Variants in SDK1 observed in about 807,000 individuals in gnomAD.
The protein encoded by SDK1 is protein sidekick-1.
SDK1 carries 157 observed loss-of-function variants against 245.5 expected under a neutral mutation model. The ratio of observed to expected loss-of-function variants is 0.64; its 90% CI spans 0.56 to 0.73. The LOEUF (loss-of-function observed/expected upper bound fraction) is 0.73. Among genes scored for constraint, SDK1 ranks in the 30% least tolerant of loss-of-function variants. SDK1 has a pLI of 0.00. For missense variants in SDK1, 3,583 were observed against 3,002.3 expected, an observed-to-expected ratio of 1.19 and a Z score of -4.52; for synonymous variants, 1,647 against 1,278.5, an observed-to-expected ratio of 1.29 and a Z score of -6.15.
chr7:3,979,085 G>A (rs1783195896), intron 13 of SDK1, among the ~76,000 whole-genome samples: 1 of 152,218 alleles, frequency 6.6e-6, no homozygotes, highest in African/African-American at 2.4e-5. Flanking sequence ...GGGGCCAATA[G>A]GAGCAAAGGG....
At chr7:3,860,654 G>A (rs2115117027) in intron 5 of SDK1, among the ~76,000 whole-genome samples, 1 of 152,234 alleles carries the variant, frequency 6.6e-6, no homozygotes, top group Non-Finnish European at 1.5e-5. Context: ...TAAATTATCA[G>A]GCCCAGAGAG....
chr7:4,008,345 C>G (rs1043148063), intron 14 of SDK1, among the ~76,000 whole-genome samples: 2 of 152,226 alleles, frequency 1.3e-5, no homozygotes, highest in Non-Finnish European at 2.9e-5. Flanking sequence ...AAAGTGAACA[C>G]ACGAACAAAA....
chr7:4,042,833 A>T (rs17134269), intron 17 of SDK1, among the ~76,000 whole-genome samples: 1 of 152,192 alleles, frequency 6.6e-6, no homozygotes, highest in Non-Finnish European at 1.5e-5. Flanking sequence ...GTCAAGAAGG[A>T]TTTGCCGGCT....
intron 1 of SDK1, among the ~76,000 whole-genome samples, chr7:3,434,997 T>C (rs1209775052): frequency 6.6e-6 from 1 of 152,222 alleles, no homozygotes; most frequent in Non-Finnish European, 1.5e-5. Context: ...TTTTCCTAAC[T>C]GTCAAATCTC....
chr7:4,210,634 C>G (rs1157652828), intron 38 of SDK1, among the ~76,000 whole-genome samples: 1 of 152,190 alleles, frequency 6.6e-6, no homozygotes, highest in African/African-American at 2.4e-5. Context: ...GTGCTCCCCT[C>G]GCTCATCCGT....
At chr7:3,788,932 T>A (rs1477776321) in intron 4 of SDK1, among the ~76,000 whole-genome samples, 1 of 152,166 alleles carries the variant, frequency 6.6e-6, no homozygotes, top group Non-Finnish European at 1.5e-5. Context: ...GGGATTTAGA[T>A]GTAGAATAGA....
intron 1 of SDK1, among the ~76,000 whole-genome samples, chr7:3,345,709 G>A (rs1780473571): frequency 6.6e-6 from 1 of 152,196 alleles, no homozygotes; most frequent in Admixed American, 6.5e-5. Flanking sequence ...CCCAGGCGAT[G>A]CCTTGCCGTC....
At chr7:4,005,081 G>A (rs796125829) in intron 14 of SDK1, among the ~76,000 whole-genome samples, 15 of 119,514 alleles carry the variant, frequency 1.3e-4, no homozygotes, top group Admixed American at 4.5e-4. Context: ...GAGTCTTGCT[G>A]TGTCACCAGG....
chr7:3,693,105 A>G (rs920608806), intron 4 of SDK1, among the ~76,000 whole-genome samples: 2 of 152,004 alleles, frequency 1.3e-5, no homozygotes, highest in Non-Finnish European at 2.9e-5. Flanking sequence ...ATCTTATGTA[A>G]TAGTGTAGAC....
At chr7:3,359,264 G>C (rs1390033470) in intron 1 of SDK1, among the ~76,000 whole-genome samples, 2 of 152,198 alleles carry the variant, frequency 1.3e-5, no homozygotes, top group Non-Finnish European at 2.9e-5. Context: ...ACAGGGAGCA[G>C]AGCCCGGAGG....
chr7:3,777,172 T>C (rs1219130383), intron 4 of SDK1, among the ~76,000 whole-genome samples: 1 of 152,222 alleles, frequency 6.6e-6, no homozygotes, highest in African/African-American at 2.4e-5. Flanking sequence ...AACTTTGTTG[T>C]GATGAAGACT....
chr7:3,552,062 G>A lies in SDK1; in HGVS notation c.299-67018G>A, dbSNP rs927591412. ...CTTCTTCTTCTTTTTTTTTTGAGCC[G>A]GAGCCTCGCTCTGTCGCCCAGGCTG... On this transcript the variant is annotated intron_variant, in intron 1 of 44. Coordinates refer to ENST00000404826, the MANE Select transcript of SDK1 (RefSeq NM_152744.4). 8.0e-5 allele frequency among the ~76,000 whole-genome samples: 12 copies of A among 150,206 alleles called. No individual in the cohort carries two copies. The East Asian group carries it at 1.2e-3, about 15-fold the overall frequency.
intron 4 of SDK1, among the ~76,000 whole-genome samples, chr7:3,684,129 G>C (rs1254379367): frequency 6.6e-6 from 1 of 152,212 alleles, no homozygotes; most frequent in Admixed American, 6.5e-5. Context: ...AGCAGTGACA[G>C]GTGGTACACT....
At chr7:3,753,507 A>T (rs1486694937) in intron 4 of SDK1, among the ~76,000 whole-genome samples, 3 of 152,278 alleles carry the variant, frequency 2.0e-5, no homozygotes, top group African/African-American at 7.2e-5. Context: ...AGAAAACAGG[A>T]ATGCACTCAG....
At chr7:3,451,534 G>C (rs192176791) in intron 1 of SDK1, among the ~76,000 whole-genome samples, 7 of 151,428 alleles carry the variant, frequency 4.6e-5, no homozygotes, top group Non-Finnish European at 7.4e-5. Flanking sequence ...TCAAAATGAC[G>C]TCAGTGTTAT....
intron 33 of SDK1, among the ~76,000 whole-genome samples, chr7:4,175,326 T>C (rs1782127321): frequency 2.0e-5 from 3 of 152,134 alleles, no homozygotes; most frequent in African/African-American, 7.2e-5. Flanking sequence ...AACAGCACAG[T>C]AGAAGGGCCC....
At chr7:3,649,383 A>G (rs567383154) in intron 4 of SDK1, among the ~76,000 whole-genome samples, 2 of 152,026 alleles carry the variant, frequency 1.3e-5, no homozygotes, top group Non-Finnish European at 2.9e-5. Context: ...TGCCATCCCA[A>G]TCAAGAGAGT....
At chr7:3,958,026 T>C in intron 7 of SDK1, 1 of 470,888 alleles carries the variant, frequency 2.1e-6, no homozygotes, top group Non-Finnish European at 4.4e-6. Context: ...TCATTTCTCT[T>C]TTTCATCTTT....
At chr7:3,530,627 C>G (rs900433372) in intron 1 of SDK1, among the ~76,000 whole-genome samples, 1 of 152,088 alleles carries the variant, frequency 6.6e-6, no homozygotes, top group East Asian at 1.9e-4. Context: ...ATTAAAAATA[C>G]TTTCACATAG....
Sources: allele counts gnomAD v4.1 joint callset (sites outside exome capture counted in the v4.1 genomes callset), GRCh38; gene constraint gnomAD v4.1.1; transcripts MANE v1.5; gene names NCBI Gene and HGNC (gene_info 2026-07-23, HGNC 2026-07-21).